The following SLIT2 variants were observed in gnomAD, a reference collection of about 807,000 sequenced individuals.
The protein encoded by SLIT2 is slit guidance ligand 2, also known as slit homolog 2 protein.
Under a neutral mutation model 185.7 loss-of-function variants are expected in SLIT2, and 41 were observed. The ratio of observed to expected loss-of-function variants is 0.22; its 90% CI spans 0.17 to 0.29. The LOEUF is 0.29. Among genes scored for constraint, SLIT2 ranks in the 10% least tolerant of loss-of-function variants. The pLI, the probability that SLIT2 is intolerant of heterozygous loss-of-function variation, is 1.00. For missense variants in SLIT2, 1,571 were observed against 1,909.0 expected, an observed-to-expected ratio of 0.82 and a Z score of 3.30; for synonymous variants, 693 against 680.2, an observed-to-expected ratio of 1.02 and a Z score of -0.29.
Position 20,253,677 on chromosome 4 carries a change from T to G in SLIT2, c.-139T>G. The G allele has an allele frequency of 7.2e-6, 7 of 968,936 alleles. No individual in the cohort carries two copies. Among genetic ancestry groups the G allele is most frequent in the Non-Finnish European group, 7.7e-6 (5 of 647,760 alleles). The allele number at this position is 968,936 out of a possible 1,614,324, so 60.0% of individuals were successfully genotyped here. A position where few individuals can be genotyped will look rare whatever the true frequency, so the allele number is the denominator to read the frequency against. On this transcript the variant is annotated 5_prime_UTR_variant, in exon 1 of 37. Transcript: ENST00000504154. ...GTGGGCTCTACTGCCTTGTTCCATATTATTTGGTGCACATTTTCCCTGGCA... is the reference window on the plus strand; with the variant it reads ...GTGGGCTCTACTGCCTTGTTCCATAGTATTTGGTGCACATTTTCCCTGGCA...
intron 4 of SLIT2, among the ~76,000 whole-genome samples, chr4:20,430,315 T>C (rs1270057013): frequency 6.6e-6 from 1 of 152,246 alleles, no homozygotes; most frequent in African/African-American, 2.4e-5. Context: ...CTTGCTATTA[T>C]GCCCTTGACT....
chr4:20,401,432 C>G (rs1238667331), intron 4 of SLIT2, among the ~76,000 whole-genome samples: 2 of 151,856 alleles, frequency 1.3e-5, no homozygotes, highest in Admixed American at 6.6e-5. Context: ...TGCTTCTCCT[C>G]TGCCTTTGGT....
chr4:20,272,764 A>G (rs987159498), intron 4 of SLIT2, among the ~76,000 whole-genome samples: 3 of 152,168 alleles, frequency 2.0e-5, no homozygotes, highest in South Asian at 2.1e-4. Flanking sequence ...AACCAAAACT[A>G]AACAAACAAA....
chr4:20,269,345 A>C (rs1314307226), intron 4 of SLIT2, among the ~76,000 whole-genome samples: 1 of 151,798 alleles, frequency 6.6e-6, no homozygotes, highest in African/African-American at 2.4e-5. Context: ...GAGGGCTGTA[A>C]ATTTCCTCTT....
At chr4:20,324,261 A>ATTGT (rs1294918192) in intron 4 of SLIT2, among the ~76,000 whole-genome samples, 3 of 123,832 alleles carry the variant, frequency 2.4e-5, no homozygotes, top group African/African-American at 1.1e-4. Context: ...GCATTGAGAC[A>ATTGT]ATGTATTGGT....
chr4:20,589,696 C>T lies in SLIT2; in HGVS notation c.3141C>T (p.Cys1047=). ...TCTGTGCCCAGGACCTGAACCCCTG[C>T]CAGCACGATTCAAAGTGCATCCTAA... ...LDFCAQDLNP[C]QHDSKCILTP... is the part of the protein sequence containing the mutation. Residue 1047 remains cysteine (C), a synonymous_variant, in exon 30 of 37, where the codon TGC becomes TGT. Coordinates refer to ENST00000504154, the MANE Select transcript of SLIT2 (RefSeq NM_004787.4). 6.2e-7 allele frequency: 1 copy of T among 1,613,824 alleles called. No individual in the cohort carries two copies. Among genetic ancestry groups the T allele is most frequent in the African/African-American group, 1.3e-5 (1 of 74,980 alleles).
intron 29 of SLIT2, among the ~76,000 whole-genome samples, chr4:20,570,281 G>A (rs1725458701): frequency 6.6e-6 from 1 of 151,976 alleles, no homozygotes; most frequent in Non-Finnish European, 1.5e-5. Context: ...TGCTTAGTGG[G>A]TGGAATTTTA....
At chr4:20,296,758 T>C (rs1716525668) in intron 4 of SLIT2, among the ~76,000 whole-genome samples, 1 of 152,246 alleles carries the variant, frequency 6.6e-6, no homozygotes, top group African/African-American at 2.4e-5. Flanking sequence ...TGGGAACTTT[T>C]CTTTAATGCG....
chr4:20,420,164 C>T (rs892551046), intron 4 of SLIT2, among the ~76,000 whole-genome samples: 8 of 152,160 alleles, frequency 5.3e-5, no homozygotes, highest in Admixed American at 4.6e-4. Context: ...CACAACTCCA[C>T]TTTTCTCACT....
In SLIT2 at chr4:20,390,140, C is replaced by T. The variant is rs143359263; in HGVS notation, c.396-77612C>T. On this transcript the variant is annotated intron_variant, in intron 4 of 36. Coordinates refer to ENST00000504154, the MANE Select transcript of SLIT2 (RefSeq NM_004787.4). Reference sequence around the variant, plus strand: ...CTCCAATATATTTCTCTGCTAGAGACTTGGATCACTTTTATAGGTCAGACA... The same window carrying T: ...CTCCAATATATTTCTCTGCTAGAGATTTGGATCACTTTTATAGGTCAGACA... Among the ~76,000 whole-genome samples, 4 of 152,152 alleles carry T rather than the reference C, an allele frequency of 2.6e-5. No individual in the cohort carries two copies. The East Asian group carries it at 7.7e-4, about 29-fold the overall frequency.
chr4:20,364,171 A>T, intron 4 of SLIT2: 1 of 597,888 alleles, frequency 1.7e-6, no homozygotes. Flanking sequence ...AGCAGACTTT[A>T]CACTTAGAGA....
intron 4 of SLIT2, among the ~76,000 whole-genome samples, chr4:20,398,772 A>G (rs1472049892): frequency 1.3e-5 from 2 of 151,760 alleles, no homozygotes; most frequent in Non-Finnish European, 2.9e-5. Context: ...GTCATTTATC[A>G]ATTATAATTT....
rs549167083 is a variant in SLIT2, at chr4:20,400,147, C to G, written c.396-67605C>G. On this transcript the variant is annotated intron_variant, in intron 4 of 36. Transcript: ENST00000504154. ...TCTTTTAATGGAGGGGGACTTTCTA[C>G]TTTATTGTGTGAATTTGGCTTAATG... 2.5e-3 allele frequency among the ~76,000 whole-genome samples: 377 copies of G among 151,780 alleles called. 3 individuals carry two copies. The highest frequency in any genetic ancestry group is 8.5e-3 in the African/African-American group (352 of 41,440).
intron 4 of SLIT2, among the ~76,000 whole-genome samples, chr4:20,388,768 C>T (rs536648544): frequency 8.7e-5 from 11 of 125,792 alleles, no homozygotes; most frequent in African/African-American, 2.2e-4. Flanking sequence ...AGCGAGACTC[C>T]GTCTCAGGGG....
At chr4:20,391,870 A>G (rs1725444820) in intron 4 of SLIT2, among the ~76,000 whole-genome samples, 1 of 152,078 alleles carries the variant, frequency 6.6e-6, no homozygotes, top group Admixed American at 6.6e-5. Flanking sequence ...CAAAATGGAT[A>G]TCATTGATAG....
chr4:20,305,697 A>G (rs1328650917), intron 4 of SLIT2, among the ~76,000 whole-genome samples: 1 of 151,068 alleles, frequency 6.6e-6, no homozygotes, highest in South Asian at 2.1e-4. Context: ...ACATGGTGAA[A>G]CCCCATCTCC....
At chr4:20,314,278 A>T (rs2109143148) in intron 4 of SLIT2, among the ~76,000 whole-genome samples, 1 of 152,326 alleles carries the variant, frequency 6.6e-6, no homozygotes, top group South Asian at 2.1e-4. Flanking sequence ...TTAAGATCTG[A>T]TAAGGATTAG....
intron 4 of SLIT2, among the ~76,000 whole-genome samples, chr4:20,377,792 C>T (rs1010184087): frequency 2.0e-5 from 3 of 152,106 alleles, no homozygotes; most frequent in African/African-American, 7.2e-5. Flanking sequence ...CAGACTGCTC[C>T]CCTTAGTCCT....
intron 6 of SLIT2, among the ~76,000 whole-genome samples, chr4:20,483,914 T>C (rs1305410068): frequency 6.6e-6 from 1 of 152,120 alleles, no homozygotes; most frequent in Non-Finnish European, 1.5e-5. Context: ...ATATTTATTA[T>C]TAATTTTAAA....
Sources: allele counts gnomAD v4.1 joint callset (sites outside exome capture counted in the v4.1 genomes callset), GRCh38; gene constraint gnomAD v4.1.1; transcripts MANE v1.5; gene names NCBI Gene and HGNC (gene_info 2026-07-23, HGNC 2026-07-21).